The following TMX4 variants were observed in gnomAD, a reference collection of about 807,000 sequenced individuals.
The protein encoded by TMX4 is thioredoxin related transmembrane protein 4.
Under a neutral mutation model 33.3 loss-of-function variants are expected in TMX4, and 23 were observed. The ratio of observed to expected loss-of-function variants is 0.69; its 90% confidence interval spans 0.50 to 0.98. TMX4 has a LOEUF of 0.98. Ranked by LOEUF, TMX4 falls within the 50% of genes least tolerant of loss-of-function variation. The probability of loss-of-function intolerance (pLI) is 0.00; values close to 1 mark genes in which losing one functional copy is unlikely to be tolerated. For synonymous variants in TMX4, 164 were observed against 161.5 expected, an observed-to-expected ratio of 1.02 and a Z score of -0.12; for missense variants, 399 against 448.9, an observed-to-expected ratio of 0.89 and a Z score of 1.01.
chr20:7,987,274 G>A lies in TMX4; in HGVS notation c.615+14C>T, dbSNP rs201506612. On this transcript the variant is annotated intron_variant, in intron 6 of 7. Coordinates refer to ENST00000246024, the MANE Select transcript of TMX4 (RefSeq NM_021156.4). ...TTGCCTTAAAGATAGAAAAAGTTTG[G>A]TATTATCTCTTACCAGACCCATAAA... The A allele has an allele frequency of 2.6e-6, 4 of 1,511,416 alleles. No individual in the cohort carries two copies. Among genetic ancestry groups the A allele is most frequent in the Non-Finnish European group, 3.6e-6 (4 of 1,117,728 alleles). The allele number at this position is 1,511,416 out of a possible 1,614,324, so 93.6% of individuals were successfully genotyped here.
intron 6 of TMX4, among the ~76,000 whole-genome samples, chr20:7,986,566 A>G (rs914744370): frequency 2.0e-5 from 3 of 152,196 alleles, no homozygotes; most frequent in African/African-American, 7.2e-5. Context: ...AGGTTTTTAA[A>G]AACTTTTTGG....
intron 2 of TMX4, among the ~76,000 whole-genome samples, chr20:8,002,192 G>A (rs1412449019): frequency 5.9e-5 from 9 of 152,158 alleles, no homozygotes; most frequent in Non-Finnish European, 8.8e-5. Flanking sequence ...TTATGTGCAT[G>A]TAAAGACAAA....
In TMX4 at chr20:8,019,662, C is replaced by T. The variant is rs1254830198; in HGVS notation, c.-49G>A. 13 of 1,281,396 alleles carry T rather than the reference C, an allele frequency of 1.0e-5. No individual in the cohort carries two copies. Among genetic ancestry groups the T allele is most frequent in the Non-Finnish European group, 1.3e-5 (13 of 1,012,230 alleles). 79.4% of individuals were successfully genotyped at this position (1,281,396 alleles called of 1,614,324 possible). A position where few individuals can be genotyped will look rare whatever the true frequency, so the allele number is the denominator to read the frequency against. ...CGGCGGGGAGTGTGGGGAAGGGCAG[C>T]GGCCGGCCCGCAGCCTCGCTCGCCC... On this transcript the variant is annotated 5_prime_UTR_variant, in exon 1 of 8. Transcript: ENST00000246024.
chr20:7,998,615 C>G (rs759494069), intron 4 of TMX4, among the ~76,000 whole-genome samples: 1 of 152,144 alleles, frequency 6.6e-6, no homozygotes, highest in Non-Finnish European at 1.5e-5. Flanking sequence ...CCCTCTTACT[C>G]AGCTCATCCT....
Position 7,981,316 on chromosome 20 carries a change from T to G in TMX4, c.*935A>C, listed in dbSNP as rs1301342308. The G allele has an allele frequency of 6.6e-6, 1 of 152,204 alleles. No individual in the cohort carries two copies. The highest frequency in any genetic ancestry group is 1.5e-5 in the Non-Finnish European group (1 of 68,040). 9.4% of individuals were successfully genotyped at this position (152,204 alleles called of 1,614,324 possible). The stretch of plus-strand genomic sequence containing the variant: ...TGAAAACAAAACAGTATTCAACTTT[T>G]CTTCACAAGACTACCTTGTACTGGC... On this transcript the variant is annotated 3_prime_UTR_variant, in exon 8 of 8. Transcript: ENST00000246024.
intron 1 of TMX4, chr20:8,013,775 G>C (rs1378870612): frequency 6.6e-6 from 1 of 152,128 alleles, no homozygotes; most frequent in East Asian, 1.9e-4. Flanking sequence ...TACCAATAAT[G>C]AACAACTCTT....
At chr20:8,014,417 G>T (rs1246782743) in intron 1 of TMX4, among the ~76,000 whole-genome samples, 1 of 152,122 alleles carries the variant, frequency 6.6e-6, no homozygotes, top group East Asian at 1.9e-4. Context: ...TGATAAAAGA[G>T]CAATTAATCT....
At chr20:8,000,943 T>C (rs943948581) in intron 3 of TMX4, among the ~76,000 whole-genome samples, 1 of 152,210 alleles carries the variant, frequency 6.6e-6, no homozygotes, top group Non-Finnish European at 1.5e-5. Context: ...ACATGGCCTG[T>C]TGGTAGTCAT....
chr20:7,987,564 T>TA (rs1353453125), intron 5 of TMX4, among the ~76,000 whole-genome samples, 175 bp from the exon 6 acceptor site: 1 of 152,074 alleles, frequency 6.6e-6, no homozygotes, highest in Non-Finnish European at 1.5e-5. Flanking sequence ...GAGTAGTAAT[T>TA]AAGGTCATTA....
At chr20:8,016,105 T>C (rs1382071206) in intron 1 of TMX4, among the ~76,000 whole-genome samples, 1 of 152,146 alleles carries the variant, frequency 6.6e-6, no homozygotes, top group Non-Finnish European at 1.5e-5. Flanking sequence ...TAGCAAAAGG[T>C]TGCAAAGGAA....
intron 2 of TMX4, among the ~76,000 whole-genome samples, chr20:8,006,407 T>A (rs1206193122): frequency 2.0e-5 from 3 of 152,188 alleles, no homozygotes; most frequent in African/African-American, 7.2e-5. Flanking sequence ...GGGAAAGAAT[T>A]GAAATTATTC....
At position 7,983,800 on chromosome 20, in the gene TMX4, G is replaced by T; in HGVS notation, c.673C>A (p.Arg225Ser). The T allele has an allele frequency of 6.2e-7, 1 of 1,612,762 alleles. No homozygotes were observed. Among genetic ancestry groups the T allele is most frequent in the African/African-American group, 1.3e-5 (1 of 74,846 alleles). ...YVPLPRHLSE[R>S]SEQNRRSEEA... ...AGGAGCTTATCGTACTTACCAGAAC[G>T]CTCAGATAAATGCCTTGGAAGTGGC... Residue 225 changes from arginine (R) to serine (S), a missense_variant, in exon 7 of 8, where the codon CGT becomes AGT. Transcript: ENST00000246024.
chr20:8,019,243 G>T (rs2050799550), intron 1 of TMX4, 195 bp downstream of exon 1: 1 of 636,132 alleles, frequency 1.6e-6, no homozygotes, highest in Non-Finnish European at 2.5e-6. Flanking sequence ...CGGGTCCGCG[G>T]ACCCCAGGTC....
intron 1 of TMX4, chr20:8,019,119 A>C: frequency 2.1e-6 from 1 of 482,442 alleles, no homozygotes; most frequent in East Asian, 6.0e-5. Context: ...CACCCCGAAA[A>C]CACTGTCCCC....
chr20:7,982,662 T>C (rs201923376), intron 7 of TMX4, 41 bp from the exon 8 acceptor site: 36 of 1,557,428 alleles, frequency 2.3e-5, no homozygotes, highest in Non-Finnish European at 1.2e-5. Flanking sequence ...GAATAAACAA[T>C]GGTAATTCGG....
chr20:8,019,448 T>G lies in TMX4; in HGVS notation c.166A>C (p.Met56Leu). 6.6e-7 allele frequency: 1 copy of G among 1,517,936 alleles called. No homozygotes were observed. Among genetic ancestry groups the G allele is most frequent in the Non-Finnish European group, 8.8e-7 (1 of 1,132,172 alleles). The allele number at this position is 1,517,936 out of a possible 1,614,324, so 94.0% of individuals were successfully genotyped here. A position where few individuals can be genotyped will look rare whatever the true frequency, so the allele number is the denominator to read the frequency against. ...NWTLVMEGEW[M>L]LKFYAPWCPS... is the part of the protein sequence containing the mutation. ...GGCGGGCACACTCACAATTTCAGCA[T>G]CCACTCGCCCTCCATCACCAGCGTC... The change falls in exon 1 of 8, where the codon ATG becomes CTG. Residue 56 changes from methionine to leucine, a missense_variant. Transcript: ENST00000246024.
At chr20:7,995,734 A>C (rs2050673355) in intron 5 of TMX4, among the ~76,000 whole-genome samples, 1 of 152,022 alleles carries the variant, frequency 6.6e-6, no homozygotes, top group Non-Finnish European at 1.5e-5. Context: ...CCTACAAAGA[A>C]ATACATAAGA....
intron 6 of TMX4, among the ~76,000 whole-genome samples, chr20:7,984,084 A>G (rs2050620397): frequency 6.6e-6 from 1 of 152,266 alleles, no homozygotes. Flanking sequence ...CCAAAAGTCT[A>G]CAGAGAACCC....
At position 7,981,438 on chromosome 20, in the gene TMX4, T is replaced by C. The variant is rs1326041240; in HGVS notation, c.*813A>G. 1 of 152,216 alleles carries C rather than the reference T, an allele frequency of 6.6e-6. No homozygotes were observed. The highest frequency in any genetic ancestry group is 6.5e-5 in the Admixed American group (1 of 15,286). The allele number at this position is 152,216 out of a possible 1,614,324, so 9.4% of individuals were successfully genotyped here. Reference sequence around the variant, plus strand: ...TTTGGACAAAACAATTTTTTTTTAATCTGTCTTGTAAAATCCTTACTTCCT... The same window carrying C: ...TTTGGACAAAACAATTTTTTTTTAACCTGTCTTGTAAAATCCTTACTTCCT... On this transcript the variant is annotated 3_prime_UTR_variant, in exon 8 of 8. Transcript: ENST00000246024.
Sources: allele counts gnomAD v4.1 joint callset (sites outside exome capture counted in the v4.1 genomes callset), GRCh38; gene constraint gnomAD v4.1.1; transcripts MANE v1.5; gene names NCBI Gene and HGNC (gene_info 2026-07-23, HGNC 2026-07-21).